Variants in SLIT1 observed in about 807,000 individuals in gnomAD.
SLIT1 encodes the protein slit guidance ligand 1.
A neutral mutation model predicts 186.1 loss-of-function variants in SLIT1; 66 were observed. That is an observed-to-expected ratio of 0.35 (90% CI 0.29 to 0.44). The LOEUF (loss-of-function observed/expected upper bound fraction) is 0.44, where lower values mean the gene tolerates loss of function less well. Among genes scored for constraint, SLIT1 ranks in the 20% least tolerant of loss-of-function variants. The probability of loss-of-function intolerance (pLI) is 1.00; values close to 1 mark genes in which losing one functional copy is unlikely to be tolerated. For synonymous variants in SLIT1, 761 were observed against 833.8 expected (o/e 0.91, Z 1.50); for missense variants, 1,638 against 2,037.4 (o/e 0.80, Z 3.77).
rs1174944627 is a variant in SLIT1, at chr10:97,006,102, G to T, written c.3579+381C>A. Among the ~76,000 whole-genome samples the T allele has an allele frequency of 2.6e-5, 4 of 152,122 alleles. No homozygotes were observed. Among genetic ancestry groups the T allele is most frequent in the Non-Finnish European group, 5.9e-5 (4 of 68,032 alleles). ...AGTTAAGGGACCCTAGGGACATTTG[G>T]TTAAAGGTATAAGCCCAAAGTTAAA... is the stretch of plus-strand genomic sequence containing the variant. On this transcript the variant is annotated intron_variant, in intron 32 of 36. Transcript: ENST00000266058. The surrounding 1 kb of genome is among the most constrained non-coding windows in gnomAD (Gnocchi z 4.0).
At chr10:97,135,705 G>A (rs982857784) in intron 4 of SLIT1, among the ~76,000 whole-genome samples, 12 of 152,182 alleles carry the variant, frequency 7.9e-5, no homozygotes, top group Non-Finnish European at 1.3e-4. Flanking sequence ...TCTCCCCAGC[G>A]GGGCTGCTCA....
chr10:97,168,203 C>T (rs1441686200), intron 1 of SLIT1, among the ~76,000 whole-genome samples: 2 of 152,050 alleles, frequency 1.3e-5, no homozygotes, highest in Non-Finnish European at 2.9e-5. Context: ...TATAAACCAA[C>T]ATAATATCCA....
intron 13 of SLIT1, 78 bp downstream of exon 13, chr10:97,056,243 T>G: frequency 2.6e-6 from 4 of 1,512,614 alleles, no homozygotes; most frequent in Non-Finnish European, 3.6e-6. Flanking sequence ...GCCGGAGAGC[T>G]GCCTGTCCCT....
intron 4 of SLIT1, among the ~76,000 whole-genome samples, chr10:97,098,075 T>C (rs1381271799): frequency 1.3e-5 from 2 of 152,188 alleles, no homozygotes; most frequent in Non-Finnish European, 2.9e-5. Context: ...TCTGGCAAAA[T>C]GAATAGCCTT....
chr10:97,161,994 G>A (rs1249830080), intron 3 of SLIT1, among the ~76,000 whole-genome samples: 1 of 152,140 alleles, frequency 6.6e-6, no homozygotes, highest in Non-Finnish European at 1.5e-5. Flanking sequence ...CCAGGTGCCT[G>A]GCATAGAGTG....
intron 21 of SLIT1, among the ~76,000 whole-genome samples, chr10:97,038,440 C>T (rs1848661254): frequency 1.3e-5 from 2 of 152,222 alleles, no homozygotes; most frequent in South Asian, 4.1e-4. Flanking sequence ...CTGGCCTCCA[C>T]TCTACTCACT....
Position 97,075,523 on chromosome 10 carries a change from C to G in SLIT1, c.414-9437G>C, listed in dbSNP as rs1270208090. On this transcript the variant is annotated intron_variant, in intron 4 of 36. Coordinates refer to ENST00000266058, the MANE Select transcript of SLIT1 (RefSeq NM_003061.3). ...TTAGTTCCCAACATCTGCAACAATA[C>G]TGACCTCCCAGGGATGCTGGGAGGA... Among the ~76,000 whole-genome samples the G allele has an allele frequency of 2.0e-5, 3 of 152,230 alleles. No individual in the cohort carries two copies. The East Asian group carries it at 5.8e-4, about 29-fold the overall frequency.
intron 25 of SLIT1, among the ~76,000 whole-genome samples, chr10:97,030,511 C>A (rs1469529544): frequency 6.6e-6 from 1 of 152,200 alleles, no homozygotes; most frequent in East Asian, 1.9e-4. Flanking sequence ...GCGAAGTGCA[C>A]AGCAATCGAT....
intron 4 of SLIT1, among the ~76,000 whole-genome samples, chr10:97,141,418 G>T (rs1849756720): frequency 6.6e-6 from 1 of 152,146 alleles, no homozygotes; most frequent in African/African-American, 2.4e-5. Context: ...TATCCCATAT[G>T]AAATGGTTTC....
Position 97,043,190 on chromosome 10 carries a change from C to G in SLIT1, c.1998-123G>C, listed in dbSNP as rs1848704495. On this transcript the variant is annotated intron_variant, in intron 19 of 36. Transcript: ENST00000266058. The surrounding 1 kb of genome is among the most constrained non-coding windows in gnomAD (Gnocchi z 7.0). ...CATGGCACTGTCTCCCAGACCACCA[C>G]CCATCACCAAGAGGACCGGCTCTGA... 7.5e-7 allele frequency: 1 copy of G among 1,328,306 alleles called. No individual in the cohort carries two copies. Among genetic ancestry groups the G allele is most frequent in the Non-Finnish European group, 1.0e-6 (1 of 953,272 alleles). The allele number at this position is 1,328,306 out of a possible 1,614,324, so 82.3% of individuals were successfully genotyped here.
Position 97,185,791 on chromosome 10 carries a change from G to T in SLIT1, c.-117C>A. 1 of 927,626 alleles carries T rather than the reference G, an allele frequency of 1.1e-6. No homozygotes were observed. The highest frequency in any genetic ancestry group is 1.5e-6 in the Non-Finnish European group (1 of 672,686). 57.5% of individuals were successfully genotyped at this position (927,626 alleles called of 1,614,324 possible). A position where few individuals can be genotyped will look rare whatever the true frequency, so the allele number is the denominator to read the frequency against. Reference sequence around the variant, plus strand: ...GAGCCACCGAAGAGCCCGCGGGCTTGCGCGCGGCGCCCCTGCGGGCTGGGA... The same window carrying T: ...GAGCCACCGAAGAGCCCGCGGGCTTTCGCGCGGCGCCCCTGCGGGCTGGGA... On this transcript the variant is annotated 5_prime_UTR_variant, in exon 1 of 37. Coordinates refer to ENST00000266058, the MANE Select transcript of SLIT1 (RefSeq NM_003061.3).
rs1848282292 is a variant in SLIT1 at position 96,999,630 on chromosome 10, G to GT, written c.*1481dup. 1 of 152,282 alleles carries GT rather than the reference G, an allele frequency of 6.6e-6. No individual in the cohort carries two copies. Among genetic ancestry groups the GT allele is most frequent in the Non-Finnish European group, 1.5e-5 (1 of 68,072 alleles). The allele number at this position is 152,282 out of a possible 1,614,324, so 9.4% of individuals were successfully genotyped here. On this transcript the variant is annotated 3_prime_UTR_variant, in exon 37 of 37. Transcript: ENST00000266058. Reference sequence around the variant, plus strand: ...TTTGCCTCCCTTTAGCCCATTCACAGTTTGGCCTCACAAACCATCTTTCTA... The same window carrying GT: ...TTTGCCTCCCTTTAGCCCATTCACAGTTTTGGCCTCACAAACCATCTTTCTA...
chr10:97,141,701 C>CGTATCGTATTGTATTGTACT (rs1849763198), intron 4 of SLIT1, among the ~76,000 whole-genome samples: 1 of 96,354 alleles, frequency 1.0e-5, no homozygotes, highest in Non-Finnish European at 1.9e-5. Flanking sequence ...CGTATCGTAT[C>CGTATCGTATTGTATTGTACT]GTATTGTATT....
intron 4 of SLIT1, among the ~76,000 whole-genome samples, chr10:97,120,480 C>T (rs905506805): frequency 2.6e-5 from 4 of 152,214 alleles, no homozygotes; most frequent in Admixed American, 2.0e-4. Flanking sequence ...AACAAAACTC[C>T]GGGCAGGCTC....
chr10:97,132,511 C>G (rs1277937732), intron 4 of SLIT1, among the ~76,000 whole-genome samples: 1 of 152,194 alleles, frequency 6.6e-6, no homozygotes, highest in Non-Finnish European at 1.5e-5. Flanking sequence ...CCCAAGTTGT[C>G]CAGCTGATTG....
chr10:97,036,496 C>T (rs1848639530), intron 22 of SLIT1, among the ~76,000 whole-genome samples: 1 of 152,238 alleles, frequency 6.6e-6, no homozygotes, highest in Non-Finnish European at 1.5e-5. Context: ...TTTCACCAAC[C>T]CACAATAAGA....
In SLIT1 at chr10:97,057,260, G is replaced by A. The variant is rs564737116; in HGVS notation, c.1107C>T (p.Ile369=). ...LNSLVLYGNK[I]TDLPRGVFGG... ...CAAACACACCACGGGGGAGGTCTGT[G>A]ATCTTGTTTCCATAGAGGACCCTGG... is the stretch of plus-strand genomic sequence containing the variant. The change falls in exon 12 of 37, where the codon ATC becomes ATT. Residue 369 remains isoleucine (I), a synonymous_variant. Coordinates refer to ENST00000266058, the MANE Select transcript of SLIT1 (RefSeq NM_003061.3). 31 of 1,613,916 alleles carry A rather than the reference G, an allele frequency of 1.9e-5. No individual in the cohort carries two copies. In the African/African-American group the frequency reaches 3.2e-4, roughly 17 times the overall value.
chr10:97,076,525 T>C (rs1465134667), intron 4 of SLIT1, among the ~76,000 whole-genome samples: 4 of 152,190 alleles, frequency 2.6e-5, no homozygotes, highest in African/African-American at 4.8e-5. Flanking sequence ...TACCCCTCCC[T>C]GCCTGCTCTC....
chr10:97,090,621 G>C (rs1849220708), intron 4 of SLIT1, among the ~76,000 whole-genome samples: 1 of 152,100 alleles, frequency 6.6e-6, no homozygotes, highest in African/African-American at 2.4e-5. Flanking sequence ...AAAGCAAGAA[G>C]CAACCCTCTT....
Sources: allele counts gnomAD v4.1 joint callset (sites outside exome capture counted in the v4.1 genomes callset), GRCh38; gene constraint gnomAD v4.1.1; non-coding constraint Gnocchi (gnomAD v3.1); transcripts MANE v1.5; gene names NCBI Gene and HGNC (gene_info 2026-07-23, HGNC 2026-07-21).